TREH: variants seen among roughly 807,000 people sequenced by gnomAD.
TREH encodes trehalase.
A neutral mutation model predicts 80.5 loss-of-function variants in TREH; 69 were observed. That is an observed-to-expected ratio of 0.86 (90% CI 0.71 to 1.05). The LOEUF is 1.05. Among genes scored for constraint, TREH ranks in the 50% least tolerant of loss-of-function variants. The pLI, the probability that TREH is intolerant of heterozygous loss-of-function variation, is 0.00. For synonymous variants in TREH, 309 were observed against 293.5 expected (o/e 1.05, Z -0.54); for missense variants, 716 against 718.8 (o/e 1.00, Z 0.04).
At position 118,661,728 on chromosome 11, in the gene TREH, C is replaced by T. The variant is rs781987859; in HGVS notation, c.526G>A (p.Asp176Asn). 1 of 1,613,852 alleles carries T rather than the reference C, an allele frequency of 6.2e-7. No homozygotes were observed. The highest frequency in any genetic ancestry group is 1.7e-5 in the Admixed American group (1 of 60,030). The change falls in exon 6 of 15, where the codon GAC becomes AAC. Residue 176 changes from aspartate (D) to asparagine (N), a missense_variant and splice_region_variant. Coordinates refer to ENST00000264029, the MANE Select transcript of TREH (RefSeq NM_007180.3). This position sits in a 1 kb window ranked among gnomAD's most constrained non-coding sequence, Gnocchi z 4.2. ...AGACCCTCCATGACCCAGTAGGAGT[C>T]CCTGGGGAAGGGGCAGCTTAGGCAC... ...GGRFVEFYYW[D>N]SYWVMEGLLL...
At chr11:118,671,828 CA>C (rs1949432618) in intron 1 of TREH, among the ~76,000 whole-genome samples, 1 of 151,978 alleles carries the variant, frequency 6.6e-6, no homozygotes, top group South Asian at 2.1e-4. Flanking sequence ...CAATGGAGCT[CA>C]GTGGTTCAAA....
At chr11:118,668,032 T>C (rs1555145835) in intron 1 of TREH, among the ~76,000 whole-genome samples, 1 of 152,124 alleles carries the variant, frequency 6.6e-6, no homozygotes, top group African/African-American at 2.4e-5. Context: ...ACCCAGCTAA[T>C]TTTTGTATTT....
chr11:118,679,314 C>A (rs1030421041), intron 1 of TREH, among the ~76,000 whole-genome samples: 1 of 152,032 alleles, frequency 6.6e-6, no homozygotes, highest in Non-Finnish European at 1.5e-5. Flanking sequence ...TCCATCTGGA[C>A]GACCGAGCAA....
In TREH at chr11:118,658,530, C is replaced by T. The variant is rs7928295; in HGVS notation, c.1600-89G>A. ...GGGCTCTCTCCCCAGGGGCACTGGC[C>T]CTGCCTAACCCCAGCGGTACAGGAA... is the stretch of plus-strand genomic sequence containing the variant. On this transcript the variant is annotated intron_variant, in intron 14 of 14. Transcript: ENST00000264029. The T allele has an allele frequency of 2.8e-3, 4,359 of 1,531,116 alleles. 97 individuals carry two copies. In the African/African-American group the frequency reaches 0.047, roughly 16 times the overall value. The allele number at this position is 1,531,116 out of a possible 1,614,324, so 94.8% of individuals were successfully genotyped here.
At chr11:118,659,626 G>C (rs1949287175) in intron 11 of TREH, 121 bp downstream of exon 11, 2 of 1,389,358 alleles carry the variant, frequency 1.4e-6, no homozygotes, top group Non-Finnish European at 2.0e-6. Context: ...GCTCTGGTGG[G>C]ACCCGCAGGC....
rs371119397 is a variant in TREH, at chr11:118,665,410, A to C, written c.90-1971T>G. Among the ~76,000 whole-genome samples, 172 of 151,772 alleles carry C rather than the reference A, an allele frequency of 1.1e-3. 1 individual carries two copies. The highest frequency in any genetic ancestry group is 3.0e-3 in the African/African-American group (125 of 41,406). Reference sequence around the variant, plus strand: ...ATCCCAGCACTTTGGGAGGCCGAGGAGGGCGGATCACAAGGTCAGGAGAAC... The same window carrying C: ...ATCCCAGCACTTTGGGAGGCCGAGGCGGGCGGATCACAAGGTCAGGAGAAC... On this transcript the variant is annotated intron_variant, in intron 1 of 14. Transcript: ENST00000264029.
At chr11:118,660,104 G>A (rs1381878758) in intron 10 of TREH, 140 bp from the exon 11 acceptor site, 11 of 808,022 alleles carry the variant, frequency 1.4e-5, no homozygotes, top group Admixed American at 2.6e-5. Context: ...GGGATGTGCC[G>A]ATCTGGAGCC....
chr11:118,668,770 T>A (rs1555145924), intron 1 of TREH, among the ~76,000 whole-genome samples: 1 of 151,806 alleles, frequency 6.6e-6, no homozygotes, highest in Non-Finnish European at 1.5e-5. Context: ...TGAAACCCCA[T>A]CTCTACTAAA....
At chr11:118,676,937 T>C (rs1949486578) in intron 1 of TREH, among the ~76,000 whole-genome samples, 1 of 152,206 alleles carries the variant, frequency 6.6e-6, no homozygotes, top group Non-Finnish European at 1.5e-5. Flanking sequence ...AAGTGGCTTA[T>C]ACATGAAAGG....
At chr11:118,660,066 C>T (rs1949301874) in intron 10 of TREH, 102 bp from the exon 11 acceptor site, 5 of 1,156,824 alleles carry the variant, frequency 4.3e-6, no homozygotes, top group Middle Eastern at 2.6e-4. Flanking sequence ...TGTTTCTCTG[C>T]AAAGGCTGAG....
intron 1 of TREH, among the ~76,000 whole-genome samples, chr11:118,670,089 T>C (rs1949417271): frequency 6.6e-6 from 1 of 152,218 alleles, no homozygotes; most frequent in Admixed American, 6.5e-5. Flanking sequence ...GTATTACTTT[T>C]TATTTAAAAA....
At chr11:118,671,507 TA>T (rs1171069043) in intron 1 of TREH, among the ~76,000 whole-genome samples, 1 of 150,686 alleles carries the variant, frequency 6.6e-6, no homozygotes, top group East Asian at 2.0e-4. Flanking sequence ...CAAGAGAAAA[TA>T]AAAAACAAAG....
At chr11:118,668,229 A>G (rs1555145854) in intron 1 of TREH, among the ~76,000 whole-genome samples, 1 of 152,054 alleles carries the variant, frequency 6.6e-6, no homozygotes, top group Non-Finnish European at 1.5e-5. Context: ...AGGAGGGAAT[A>G]CTTCCAAACT....
chr11:118,673,559 T>C (rs902897332), intron 1 of TREH, among the ~76,000 whole-genome samples: 6 of 152,252 alleles, frequency 3.9e-5, no homozygotes. Context: ...TCCATTTATT[T>C]CATGAACACA....
At chr11:118,665,683 C>T (rs1442272043) in intron 1 of TREH, among the ~76,000 whole-genome samples, 1 of 152,162 alleles carries the variant, frequency 6.6e-6, no homozygotes. Context: ...ACCTTTAAAC[C>T]TTCATGCCAG....
At chr11:118,670,177 C>T (rs1340874006) in intron 1 of TREH, among the ~76,000 whole-genome samples, 3 of 152,200 alleles carry the variant, frequency 2.0e-5, no homozygotes, top group African/African-American at 7.2e-5. Context: ...CAAAGCCCCA[C>T]CTCTCCAAAC....
chr11:118,659,954 G>C lies in TREH; in HGVS notation c.1113C>G (p.Ser371=). 3.2e-6 allele frequency: 5 copies of C among 1,551,362 alleles called. No homozygotes were observed. Among genetic ancestry groups the C allele is most frequent in the Non-Finnish European group, 4.4e-6 (5 of 1,146,998 alleles). The change falls in exon 11 of 15, where the codon TCC becomes TCG. Residue 371 remains serine, a synonymous_variant. Transcript: ENST00000264029. The part of the protein sequence containing the change: ...SNFYSRLGND[S]QATKYRILRS... ...GCAGGATTCTGTACTTCGTGGCCTG[G>C]GAGTCGTTCCCTGGGGCAGTGCTGC...
chr11:118,670,691 T>C (rs1257497649), intron 1 of TREH, among the ~76,000 whole-genome samples: 1 of 152,196 alleles, frequency 6.6e-6, no homozygotes, highest in Non-Finnish European at 1.5e-5. Flanking sequence ...GTCCAGTTCA[T>C]CACCAGATCA....
At chr11:118,662,072 C>G in intron 4 of TREH, 82 bp from the exon 5 acceptor site, 1 of 1,130,856 alleles carries the variant, frequency 8.8e-7, no homozygotes. Flanking sequence ...TCTGAGGCCC[C>G]GGGAGTCACA....
Sources: allele counts gnomAD v4.1 joint callset (sites outside exome capture counted in the v4.1 genomes callset), GRCh38; gene constraint gnomAD v4.1.1; non-coding constraint Gnocchi (gnomAD v3.1); transcripts MANE v1.5; gene names NCBI Gene and HGNC (gene_info 2026-07-23, HGNC 2026-07-21).